Variants in TJAP1 observed in about 807,000 individuals in gnomAD.
The protein encoded by TJAP1 is tight junction associated protein 1.
In TJAP1, 27 loss-of-function variants were observed where a neutral mutation model predicts 42.0. The observed-to-expected ratio is 0.64, with a 90% CI of 0.47 to 0.89. The LOEUF is 0.89. Ranked by LOEUF, TJAP1 falls within the 40% of genes least tolerant of loss-of-function variation. The probability of loss-of-function intolerance (pLI) is 0.00; values close to 1 mark genes in which losing one functional copy is unlikely to be tolerated. For synonymous variants in TJAP1, 257 were observed against 288.4 expected, an observed-to-expected ratio of 0.89 and a Z score of 1.10; for missense variants, 712 against 726.9, an observed-to-expected ratio of 0.98 and a Z score of 0.24.
intron 2 of TJAP1, among the ~76,000 whole-genome samples, chr6:43,496,268 A>G (rs1789121594): frequency 6.6e-6 from 1 of 152,144 alleles, no homozygotes; most frequent in African/African-American, 2.4e-5. Flanking sequence ...TCTGAGTATC[A>G]GAATCCACAT....
rs1455169370 is a variant in TJAP1, at chr6:43,492,728, A to G, written c.-121-5153A>G. Among the ~76,000 whole-genome samples, 2 of 152,158 alleles carry G rather than the reference A, an allele frequency of 1.3e-5. No homozygotes were observed. The highest frequency in any genetic ancestry group is 2.9e-5 in the Non-Finnish European group (2 of 68,012). ...ATCTTCATGAGCAATCCCCAGGACCAAGGCCAGGTCACCTGGTTCCAGGGC... is the reference window on the plus strand; with the variant it reads ...ATCTTCATGAGCAATCCCCAGGACCGAGGCCAGGTCACCTGGTTCCAGGGC... On this transcript the variant is annotated intron_variant, in intron 2 of 10. Transcript: ENST00000372449. The surrounding 1 kb of genome is among the most constrained non-coding windows in gnomAD (Gnocchi z 4.2).
chr6:43,505,167 G>C lies in TJAP1; in HGVS notation c.986G>C (p.Arg329Pro). The C allele has an allele frequency of 6.2e-7, 1 of 1,614,020 alleles. No homozygotes were observed. Among genetic ancestry groups the C allele is most frequent in the East Asian group, 2.2e-5 (1 of 44,894 alleles). Reference sequence around the variant, plus strand: ...CCACCACACCCACTGTATCCTGGCCGCAGGGTAATAGAGTTCTCTGAGGAT... The same window carrying C: ...CCACCACACCCACTGTATCCTGGCCCCAGGGTAATAGAGTTCTCTGAGGAT... The change falls in exon 11 of 11, where the codon CGC (arginine) becomes CCC (proline). Residue 329 changes from arginine to proline, a missense_variant. Physicochemically the swap from Arg to Pro is moderately radical, Grantham distance 103. Transcript: ENST00000372449. This position sits in a 1 kb window ranked among gnomAD's most constrained non-coding sequence, Gnocchi z 5.5.
chr6:43,479,499 C>T (rs1170686259), intron 2 of TJAP1, among the ~76,000 whole-genome samples: 2 of 152,188 alleles, frequency 1.3e-5, no homozygotes, highest in Non-Finnish European at 2.9e-5. Context: ...CAGTTAATAG[C>T]ACTGACTCTG....
At chr6:43,486,077 T>C (rs1405709813) in intron 2 of TJAP1, among the ~76,000 whole-genome samples, 1 of 150,724 alleles carries the variant, frequency 6.6e-6, no homozygotes, top group East Asian at 2.0e-4. Context: ...GTTCAAGCAA[T>C]GCTCAGCCTC....
At position 43,502,055 on chromosome 6, in the gene TJAP1, C is replaced by CACACAT. The variant is rs1344161458; in HGVS notation, c.291-223_291-222insTACACA. ...AGGTGTGGGAATGCGGGGACACACA[C>CACACAT]ACACACACACACACACACACACTCT... is the stretch of plus-strand genomic sequence containing the variant. On this transcript the variant is annotated intron_variant, in intron 6 of 10. Transcript: ENST00000372449. 5.2e-4 allele frequency among the ~76,000 whole-genome samples: 61 copies of CACACAT among 117,448 alleles called. 4 individuals are homozygous for CACACAT. Among genetic ancestry groups the CACACAT allele is most frequent in the African/African-American group, 2.3e-3 (60 of 25,648 alleles). 77.1% of individuals were successfully genotyped at this position (117,448 alleles called of 152,430 possible).
intron 2 of TJAP1, among the ~76,000 whole-genome samples, chr6:43,494,023 G>A (rs1007952943): frequency 5.9e-5 from 9 of 152,196 alleles, no homozygotes; most frequent in African/African-American, 1.9e-4. Context: ...TGTTCAGAGG[G>A]TTCACAGTGC....
intron 2 of TJAP1, among the ~76,000 whole-genome samples, chr6:43,493,174 G>A (rs1264510041): frequency 1.3e-5 from 2 of 152,202 alleles, no homozygotes; most frequent in Non-Finnish European, 2.9e-5. Context: ...GTTGAATTAT[G>A]AAGAAGAGCT....
Position 43,501,598 on chromosome 6 carries a change from A to G in TJAP1, c.201A>G (p.Glu67=), listed in dbSNP as rs1210676771. Residue 67 remains glutamate, a synonymous_variant, in exon 6 of 11, where the codon GAA becomes GAG. Transcript: ENST00000372449. ...CCACCAGACGCACTGAGGCCCTGGA[A>G]CGTGAGCTGGAAATTGGGCAGGACT... is the stretch of plus-strand genomic sequence containing the variant. The G allele has an allele frequency of 3.1e-6, 5 of 1,613,832 alleles. No homozygotes were observed. The African/African-American group carries it at 5.3e-5, about 17-fold the overall frequency.
chr6:43,503,608 G>A lies in TJAP1; in HGVS notation c.496-15G>A, dbSNP rs186581183. The stretch of plus-strand genomic sequence containing the variant: ...GAGGGCTGGGCTGGGCTCTGAAACA[G>A]GTCTGTGTCTGTAGGAGCGGTACCG... On this transcript the variant is annotated splice_polypyrimidine_tract_variant and intron_variant, in intron 9 of 10. Transcript: ENST00000372449. 1 of 1,613,820 alleles carries A rather than the reference G, an allele frequency of 6.2e-7. No homozygotes were observed. The highest frequency in any genetic ancestry group is 1.3e-5 in the African/African-American group (1 of 75,020).
intron 6 of TJAP1, among the ~76,000 whole-genome samples, chr6:43,501,891 C>CCCCA (rs1491257382): frequency 4.9e-4 from 19 of 39,068 alleles, no homozygotes; most frequent in Admixed American, 1.0e-3. Context: ...GAATGCGGGG[C>CCCCA]CACACACACA....
intron 4 of TJAP1, among the ~76,000 whole-genome samples, chr6:43,500,093 C>T (rs1790176562): frequency 6.6e-6 from 1 of 152,240 alleles, no homozygotes. Flanking sequence ...ATAGAATAGG[C>T]CCCTTGATGT....
intron 3 of TJAP1, 157 bp from the exon 4 acceptor site, chr6:43,498,821 C>T: frequency 1.5e-6 from 1 of 684,982 alleles, no homozygotes; most frequent in South Asian, 1.8e-5. Context: ...ACTGACACAC[C>T]TAAGTCCTGC....
At chr6:43,483,450 C>G (rs533713616) in intron 2 of TJAP1, among the ~76,000 whole-genome samples, 15 of 152,222 alleles carry the variant, frequency 9.9e-5, no homozygotes, top group Non-Finnish European at 1.8e-4. Flanking sequence ...CAGTGAGAAG[C>G]CTCCGCTGCT....
intron 2 of TJAP1, among the ~76,000 whole-genome samples, chr6:43,484,007 C>T (rs1160978369): frequency 6.6e-6 from 1 of 151,508 alleles, no homozygotes; most frequent in Non-Finnish European, 1.5e-5. Context: ...TTTGAGGCTG[C>T]AGTGAGCTAT....
At chr6:43,486,033 G>A (rs1786400250) in intron 2 of TJAP1, among the ~76,000 whole-genome samples, 1 of 150,984 alleles carries the variant, frequency 6.6e-6, no homozygotes, top group Non-Finnish European at 1.5e-5. Context: ...GTGCAGTGGC[G>A]CGATCTTGGC....
chr6:43,505,356 C>A lies in TJAP1; in HGVS notation c.1175C>A (p.Pro392Gln). 3 of 1,609,142 alleles carry A rather than the reference C, an allele frequency of 1.9e-6. No homozygotes were observed. The highest frequency in any genetic ancestry group is 2.5e-6 in the Non-Finnish European group (3 of 1,179,540). Reference sequence around the variant, plus strand: ...GCCTCACCCCACCACCAGCCCAGCCCAGCACCCCTAACACTCAGTGCCCCA... The same window carrying A: ...GCCTCACCCCACCACCAGCCCAGCCAAGCACCCCTAACACTCAGTGCCCCA... Residue 392 changes from proline to glutamine, a missense_variant, in exon 11 of 11, where the codon CCA (proline) becomes CAA (glutamine). Coordinates refer to ENST00000372449, the Ensembl canonical transcript of TJAP1. The surrounding 1 kb of genome is among the most constrained non-coding windows in gnomAD (Gnocchi z 5.5).
In TJAP1 at chr6:43,505,137, C is replaced by G; in HGVS notation, c.956C>G (p.Pro319Arg). The change falls in exon 11 of 11, where the codon CCG (proline) becomes CGG (arginine). Residue 319 changes from proline to arginine, a missense_variant. Transcript: ENST00000372449. This position sits in a 1 kb window ranked among gnomAD's most constrained non-coding sequence, Gnocchi z 5.5. Reference sequence around the variant, plus strand: ...GAGAAGCTGAACCCCTACCCAACCCCGTCTCCACCACACCCACTGTATCCT... The same window carrying G: ...GAGAAGCTGAACCCCTACCCAACCCGGTCTCCACCACACCCACTGTATCCT... 6.2e-7 allele frequency: 1 copy of G among 1,614,214 alleles called. No homozygotes were observed. The highest frequency in any genetic ancestry group is 8.5e-7 in the Non-Finnish European group (1 of 1,180,026).
intron 2 of TJAP1, among the ~76,000 whole-genome samples, chr6:43,494,265 G>C (rs1392109670): frequency 6.6e-6 from 1 of 152,196 alleles, no homozygotes; most frequent in Non-Finnish European, 1.5e-5. Flanking sequence ...ACTGATTTTT[G>C]AGTAAGCAAA....
intron 5 of TJAP1, 40 bp from the exon 6 acceptor site, chr6:43,501,486 C>T (rs368730436): frequency 1.9e-5 from 30 of 1,586,690 alleles, no homozygotes; most frequent in African/African-American, 2.7e-5. Flanking sequence ...CCTTCTATCT[C>T]TCATACCCCT....
Sources: gnomAD v4.1 joint callset for allele counts (sites outside exome capture counted in the v4.1 genomes callset) on GRCh38, gnomAD v4.1.1 for gene constraint, Gnocchi (gnomAD v3.1) non-coding constraint, MANE v1.5 for transcripts, NCBI Gene and HGNC (gene_info 2026-07-23, HGNC 2026-07-21) for gene names.